Variants in MLPH observed in about 807,000 individuals in gnomAD.
MLPH encodes the protein exophilin-3.
A neutral mutation model predicts 72.1 loss-of-function variants in MLPH; 51 were observed. The ratio of observed to expected loss-of-function variants is 0.71; its 90% CI spans 0.56 to 0.89. The LOEUF (loss-of-function observed/expected upper bound fraction) is 0.89, where lower values mean the gene tolerates loss of function less well. Among genes scored for constraint, MLPH ranks in the 40% least tolerant of loss-of-function variants. The pLI, the probability that MLPH is intolerant of heterozygous loss-of-function variation, is 0.00. For missense variants in MLPH, 743 were observed against 759.9 expected (o/e 0.98, Z 0.26); for synonymous variants, 301 against 310.1 (o/e 0.97, Z 0.31).
Position 237,553,676 on chromosome 2 carries a change from C to A in MLPH, c.*84C>A, listed in dbSNP as rs529605742. The A allele has an allele frequency of 3.2e-6, 5 of 1,569,420 alleles. No homozygotes were observed. Among genetic ancestry groups the A allele is most frequent in the Non-Finnish European group, 4.4e-6 (5 of 1,139,036 alleles). ...CTGTCCCTCATTGGCTCTGTGCTTT[C>A]CACTATACACAGTCACCGTCCCAAT... is the stretch of plus-strand genomic sequence containing the variant. On this transcript the variant is annotated 3_prime_UTR_variant, in exon 16 of 16. Transcript: ENST00000264605.
chr2:237,496,532 C>A (rs1487154490), intron 2 of MLPH, among the ~76,000 whole-genome samples: 4 of 152,190 alleles, frequency 2.6e-5, no homozygotes, highest in Non-Finnish European at 5.9e-5. Flanking sequence ...GCACCCAGGT[C>A]ACCTCTCAGT....
At chr2:237,521,589 T>C (rs1014282423) in intron 6 of MLPH, among the ~76,000 whole-genome samples, 6 of 106,002 alleles carry the variant, frequency 5.7e-5, no homozygotes, top group East Asian at 2.2e-4. Flanking sequence ...GAATGCGATG[T>C]TTTTTGATAT....
chr2:237,493,480 C>T lies in MLPH; in HGVS notation c.54C>T (p.Val18=). 3 of 1,614,106 alleles carry T rather than the reference C, an allele frequency of 1.9e-6. No homozygotes were observed. Among genetic ancestry groups the T allele is most frequent in the Non-Finnish European group, 2.5e-6 (3 of 1,179,982 alleles). The change falls in exon 2 of 16, where the codon GTC becomes GTT. Residue 18 remains valine (V), a synonymous_variant. Transcript: ENST00000264605. ...TCACTGATGAAGAGGCCCAGCATGTCTTGGAAGTTGTTCAACGAGATTTTG... is the reference window on the plus strand; with the variant it reads ...TCACTGATGAAGAGGCCCAGCATGTTTTGGAAGTTGTTCAACGAGATTTTG... The part of the protein sequence containing the change: ...SKLTDEEAQH[V]LEVVQRDFDL...
rs77351652 is a variant in MLPH, at chr2:237,545,485, G to T, written c.1540-1121G>T. 1.3e-3 allele frequency: 1,736 copies of T among 1,288,434 alleles called. 16 individuals are homozygous for T. In the African/African-American group the frequency reaches 0.022, roughly 16 times the overall value. The allele number at this position is 1,288,434 out of a possible 1,614,324, so 79.8% of individuals were successfully genotyped here. A position where few individuals can be genotyped will look rare whatever the true frequency, so the allele number is the denominator to read the frequency against. ...CTTTATGAGGGGACTCTGAGCCTCTGCTCTGAGGATCTGAAACACACACAC... is the reference window on the plus strand; with the variant it reads ...CTTTATGAGGGGACTCTGAGCCTCTTCTCTGAGGATCTGAAACACACACAC... On this transcript the variant is annotated intron_variant, in intron 12 of 15. Coordinates refer to ENST00000264605, the MANE Select transcript of MLPH (RefSeq NM_024101.7).
At chr2:237,546,729 A>C in intron 13 of MLPH, 46 bp downstream of exon 13, 2 of 1,513,166 alleles carry the variant, frequency 1.3e-6, no homozygotes, top group Non-Finnish European at 1.8e-6. Flanking sequence ...CAAAGGTGGA[A>C]GACTGCACCC....
At chr2:237,517,498 G>A (rs936673565) in intron 4 of MLPH, among the ~76,000 whole-genome samples, 1 of 151,706 alleles carries the variant, frequency 6.6e-6, no homozygotes, top group Non-Finnish European at 1.5e-5. Context: ...TGGATAGATG[G>A]ATAGATGTCT....
At chr2:237,503,753 G>T (rs2079703074) in intron 2 of MLPH, among the ~76,000 whole-genome samples, 1 of 152,112 alleles carries the variant, frequency 6.6e-6, no homozygotes, top group Non-Finnish European at 1.5e-5. Context: ...CACTTGCCTG[G>T]GAGTACAATC....
intron 5 of MLPH, 135 bp from the exon 6 acceptor site, chr2:237,519,775 G>C (rs3751106): frequency 1.3e-5 from 16 of 1,250,950 alleles, no homozygotes; most frequent in Non-Finnish European, 1.9e-5. Context: ...CTAGTGGAGG[G>C]GGTGGATGTG....
rs986641190 is a variant in MLPH, at chr2:237,541,625, G to A, written c.1446+668G>A. On this transcript the variant is annotated intron_variant, in intron 11 of 15. Coordinates refer to ENST00000264605, the MANE Select transcript of MLPH (RefSeq NM_024101.7). This position sits in a 1 kb window ranked among gnomAD's most constrained non-coding sequence, Gnocchi z 5.1. ...GTTCAAGGGGAGCGAGTCAGGCTCT[G>A]GACTTTCCCTTCATGTATTCCTTCT... is the stretch of plus-strand genomic sequence containing the variant. Among the ~76,000 whole-genome samples, 7 of 152,204 alleles carry A rather than the reference G, an allele frequency of 4.6e-5. No individual in the cohort carries two copies. Among genetic ancestry groups the A allele is most frequent in the African/African-American group, 1.7e-4 (7 of 41,458 alleles).
Position 237,516,943 on chromosome 2 carries a change from A to ATGGATGGATG in MLPH, c.446-1596_446-1595insTGGATGGATG, listed in dbSNP as rs1559350591. On this transcript the variant is annotated intron_variant, in intron 4 of 15. Transcript: ENST00000264605. ...TGGATGGATGGATGGATGGATGGAT[A>ATGGATGGATG]GGTGGATAGGTGGATAGATAGGTGG... Among the ~76,000 whole-genome samples the ATGGATGGATG allele has an allele frequency of 2.8e-3, 236 of 85,108 alleles. 3 individuals carry two copies. Among genetic ancestry groups the ATGGATGGATG allele is most frequent in the African/African-American group, 0.023 (215 of 9,248 alleles). The allele number at this position is 85,108 out of a possible 152,430, so 55.8% of individuals were successfully genotyped here. A position where few individuals can be genotyped will look rare whatever the true frequency, so the allele number is the denominator to read the frequency against.
At chr2:237,520,156 A>C in intron 6 of MLPH, 127 bp downstream of exon 6, 1 of 1,275,954 alleles carries the variant, frequency 7.8e-7, no homozygotes, top group Non-Finnish European at 1.1e-6. Context: ...CCTGGCTCCC[A>C]AGGCATGACA....
Position 237,518,571 on chromosome 2 carries a change from G to A in MLPH, c.478G>A (p.Gly160Arg). Residue 160 changes from glycine to arginine, a missense_variant, in exon 5 of 16, where the codon GGA becomes AGA. Coordinates refer to ENST00000264605, the MANE Select transcript of MLPH (RefSeq NM_024101.7). Reference sequence around the variant, plus strand: ...TGAACTGATATCTGAAGAGAGAAGTGGAGACAGCGACCAGACAGATGAGGA... The same window carrying A: ...TGAACTGATATCTGAAGAGAGAAGTAGAGACAGCGACCAGACAGATGAGGA... The part of the protein sequence containing the change: ...GPELISEERS[G>R]DSDQTDEDGE... 1 of 1,613,874 alleles carries A rather than the reference G, an allele frequency of 6.2e-7. No individual in the cohort carries two copies. Among genetic ancestry groups the A allele is most frequent in the Non-Finnish European group, 8.5e-7 (1 of 1,179,900 alleles).
upstream of MLPH, chr2:237,486,419 C>T (rs1182319118): frequency 6.6e-6 from 1 of 152,278 alleles, no homozygotes; most frequent in African/African-American, 2.4e-5. Context: ...CATTGGAATT[C>T]GGAAGGACAG....
chr2:237,495,299 A>T (rs116051289), intron 2 of MLPH, among the ~76,000 whole-genome samples: 535 of 152,326 alleles, frequency 3.5e-3, no homozygotes, highest in African/African-American at 0.012. Flanking sequence ...TCCATCGGCA[A>T]AGTCCCTTTT....
chr2:237,524,406 C>T (rs1309872212), intron 6 of MLPH, among the ~76,000 whole-genome samples: 1 of 151,362 alleles, frequency 6.6e-6, no homozygotes, highest in Non-Finnish European at 1.5e-5. Flanking sequence ...GAGAGCCAGT[C>T]GGAGTCCCAA....
chr2:237,540,226 G>A, intron 9 of MLPH, 122 bp from the exon 10 acceptor site: 1 of 1,076,786 alleles, frequency 9.3e-7, no homozygotes, highest in Non-Finnish European at 1.4e-6. Flanking sequence ...GAGAAGGGAG[G>A]CAGCTGAGCT....
At chr2:237,490,958 A>T (rs538260599) in intron 1 of MLPH, among the ~76,000 whole-genome samples, 2 of 152,358 alleles carry the variant, frequency 1.3e-5, no homozygotes, top group African/African-American at 2.4e-5. Context: ...GTGCAAAAAA[A>T]TTCAACGAAT....
Position 237,525,789 on chromosome 2 carries a change from G to T in MLPH, c.864G>T (p.Gly288=). The T allele has an allele frequency of 6.2e-7, 1 of 1,612,816 alleles. No homozygotes were observed. Among genetic ancestry groups the T allele is most frequent in the Non-Finnish European group, 8.5e-7 (1 of 1,180,030 alleles). Residue 288 remains glycine, a synonymous_variant, in exon 7 of 16, where the codon GGG becomes GGT. Transcript: ENST00000264605. ...PPGGSHRMAL[G]TAAALGSNVI... is the part of the protein sequence containing the mutation. ...GAGGCTCCCACAGGATGGCCCTGGGGACTGCTGCTGCACTCGGTAGGTGCC... is the reference window on the plus strand; with the variant it reads ...GAGGCTCCCACAGGATGGCCCTGGGTACTGCTGCTGCACTCGGTAGGTGCC...
chr2:237,511,818 G>T (rs147793341), intron 4 of MLPH, among the ~76,000 whole-genome samples: 1 of 152,190 alleles, frequency 6.6e-6, no homozygotes, highest in Non-Finnish European at 1.5e-5. Context: ...CAATGTGTTC[G>T]CCTGTAAGAT....
Sources: gnomAD v4.1 joint callset for allele counts (sites outside exome capture counted in the v4.1 genomes callset) on GRCh38, gnomAD v4.1.1 for gene constraint, Gnocchi (gnomAD v3.1) non-coding constraint, MANE v1.5 for transcripts, NCBI Gene and HGNC (gene_info 2026-07-23, HGNC 2026-07-21) for gene names.